Variants in SCGB2B2 observed in about 807,000 individuals in gnomAD.
The protein encoded by SCGB2B2 is secretoglobin-like protein.
Under a neutral mutation model 7.6 loss-of-function variants are expected in SCGB2B2, and 11 were observed. The ratio of observed to expected loss-of-function variants is 1.45; its 90% CI spans 0.91 to 2.40. The LOEUF is 2.40. SCGB2B2 is among the 30% of genes most tolerant of loss of function. SCGB2B2 has a pLI of 0.00. For synonymous variants in SCGB2B2, 50 were observed against 48.6 expected, an observed-to-expected ratio of 1.03 and a Z score of -0.12; for missense variants, 104 against 115.4, an observed-to-expected ratio of 0.90 and a Z score of 0.45.
chr19:34,650,202 G>T (rs1359677721), intron 1 of SCGB2B2, among the ~76,000 whole-genome samples: 2 of 151,202 alleles, frequency 1.3e-5, no homozygotes, highest in Non-Finnish European at 2.9e-5. Context: ...TGAGCATACC[G>T]GAGACCTGGA....
intron 1 of SCGB2B2, among the ~76,000 whole-genome samples, chr19:34,606,627 C>T (rs987362514): frequency 6.6e-6 from 1 of 151,086 alleles, no homozygotes; most frequent in Non-Finnish European, 1.5e-5. Flanking sequence ...TTCAGTTACT[C>T]GTGGTCAACT....
rs1399248376 is a variant in SCGB2B2 at position 34,593,314 on chromosome 19, G to A, written c.*241C>T. On this transcript the variant is annotated 3_prime_UTR_variant, in exon 4 of 4. Coordinates refer to ENST00000601241, the MANE Select transcript of SCGB2B2 (RefSeq NM_001025591.4). ...CAGCCACCCTCCTCCCCGCCAAAAA[G>A]AAAACAGGCATGTCTATGCTACACC... is the stretch of plus-strand genomic sequence containing the variant. The A allele has an allele frequency of 9.0e-6, 4 of 442,126 alleles. No individual in the cohort carries two copies. Among genetic ancestry groups the A allele is most frequent in the Middle Eastern group, 5.9e-4 (1 of 1,696 alleles). The allele number at this position is 442,126 out of a possible 1,614,324, so 27.4% of individuals were successfully genotyped here.
At chr19:34,673,955 C>CA (rs2067862023) in intron 1 of SCGB2B2, among the ~76,000 whole-genome samples, 1 of 152,208 alleles carries the variant, frequency 6.6e-6, no homozygotes, top group Non-Finnish European at 1.5e-5. Context: ...AGGGGTTTAA[C>CA]TTCACAGGAA....
chr19:34,640,479 C>T (rs559716422), intron 1 of SCGB2B2: 14 of 152,152 alleles, frequency 9.2e-5, no homozygotes, highest in Non-Finnish European at 1.8e-4. Flanking sequence ...GCTGTATCTA[C>T]ACTTCCCCTG....
intron 1 of SCGB2B2, among the ~76,000 whole-genome samples, chr19:34,617,563 T>C (rs2066118748): frequency 6.6e-6 from 1 of 151,966 alleles, no homozygotes; most frequent in African/African-American, 2.4e-5. Flanking sequence ...TGAAGTTGCT[T>C]ATCAGCTTAA....
intron 1 of SCGB2B2, among the ~76,000 whole-genome samples, chr19:34,634,455 C>T (rs1307865762): frequency 6.6e-6 from 1 of 152,206 alleles, no homozygotes; most frequent in African/African-American, 2.4e-5. Context: ...AATGCAACTC[C>T]TGAAAGCTTC....
At chr19:34,663,574 A>G (rs1406524751) in intron 1 of SCGB2B2, among the ~76,000 whole-genome samples, 2 of 152,236 alleles carry the variant, frequency 1.3e-5, no homozygotes, top group Admixed American at 1.3e-4. Flanking sequence ...AAGTCAGGAC[A>G]GGGGTCAACT....
intron 1 of SCGB2B2, among the ~76,000 whole-genome samples, chr19:34,664,361 A>G (rs1214083888): frequency 1.3e-5 from 2 of 152,190 alleles, no homozygotes; most frequent in Non-Finnish European, 2.9e-5. Flanking sequence ...GTCCCTTAGA[A>G]GATGCTCAAG....
At chr19:34,604,146 T>C (rs990996944) in intron 1 of SCGB2B2, among the ~76,000 whole-genome samples, 1 of 152,338 alleles carries the variant, frequency 6.6e-6, no homozygotes, top group Non-Finnish European at 1.5e-5. Flanking sequence ...CATGTCATCA[T>C]TCAGTGTCCA....
intron 1 of SCGB2B2, among the ~76,000 whole-genome samples, chr19:34,607,040 T>C (rs2065800828): frequency 6.6e-6 from 1 of 152,212 alleles, no homozygotes. Context: ...TTCTCACTCA[T>C]TCATCCCCCG....
chr19:34,663,055 A>G (rs1187174330), intron 1 of SCGB2B2, among the ~76,000 whole-genome samples: 2 of 152,234 alleles, frequency 1.3e-5, no homozygotes, highest in Admixed American at 6.5e-5. Context: ...ATTACACCAC[A>G]AAATGCAAAT....
intron 1 of SCGB2B2, among the ~76,000 whole-genome samples, chr19:34,615,182 C>T (rs1011800064): frequency 4.6e-5 from 7 of 152,092 alleles, no homozygotes; most frequent in Non-Finnish European, 1.5e-5. Flanking sequence ...AGTGCAATAG[C>T]TGTATGGGCC....
downstream of SCGB2B2, among the ~76,000 whole-genome samples, chr19:34,588,403 C>G (rs954040860): frequency 6.6e-6 from 1 of 152,100 alleles, no homozygotes; most frequent in African/African-American, 2.4e-5. Flanking sequence ...GTGATGTGGC[C>G]GTCACCCAGG....
intron 1 of SCGB2B2, among the ~76,000 whole-genome samples, chr19:34,662,529 A>ACAC (rs748948899): frequency 6.6e-6 from 1 of 151,692 alleles, no homozygotes; most frequent in African/African-American, 2.4e-5. Context: ...ACACACACAC[A>ACAC]ACATGAAGCA....
intron 1 of SCGB2B2, among the ~76,000 whole-genome samples, chr19:34,637,428 C>A (rs2066713719): frequency 1.3e-5 from 2 of 152,138 alleles, no homozygotes; most frequent in South Asian, 2.1e-4. Flanking sequence ...TGGAAAAAAG[C>A]GGAAGCAAAG....
At chr19:34,603,228 G>A (rs1438421776) in intron 1 of SCGB2B2, among the ~76,000 whole-genome samples, 1 of 152,164 alleles carries the variant, frequency 6.6e-6, no homozygotes, top group Non-Finnish European at 1.5e-5. Context: ...GGTGGGGTGA[G>A]AGATGTCCAG....
chr19:34,615,273 CA>C (rs1568432300), intron 1 of SCGB2B2, among the ~76,000 whole-genome samples: 1 of 152,152 alleles, frequency 6.6e-6, no homozygotes, highest in Admixed American at 6.5e-5. Context: ...GCAGCTTCCT[CA>C]GTCAGGCTTA....
At chr19:34,630,591 G>C (rs531047632) in intron 1 of SCGB2B2, among the ~76,000 whole-genome samples, 5 of 151,946 alleles carry the variant, frequency 3.3e-5, no homozygotes, top group African/African-American at 7.2e-5. Flanking sequence ...TTAGAATGGC[G>C]ATCATTAAAA....
intron 1 of SCGB2B2, among the ~76,000 whole-genome samples, chr19:34,642,811 G>A (rs2066884715): frequency 6.8e-6 from 1 of 148,130 alleles, no homozygotes. Context: ...ATGAAAAAAT[G>A]CTCAGAATCA....
Sources: allele counts gnomAD v4.1 joint callset (sites outside exome capture counted in the v4.1 genomes callset), GRCh38; gene constraint gnomAD v4.1.1; transcripts MANE v1.5; gene names NCBI Gene and HGNC (gene_info 2026-07-23, HGNC 2026-07-21).